Variants in ANKRD44 observed in about 807,000 individuals in gnomAD.
ANKRD44 encodes ankyrin repeat domain 44, also known as serine/threonine-protein phosphatase 6 regulatory ankyrin repeat subunit B.
Under a neutral mutation model 116.0 loss-of-function variants are expected in ANKRD44, and 35 were observed. The observed-to-expected ratio is 0.30, with a 90% CI of 0.23 to 0.40. ANKRD44 has a LOEUF of 0.40. Ranked by LOEUF, ANKRD44 falls within the 10% of genes least tolerant of loss-of-function variation. The pLI is 1.00. For synonymous variants in ANKRD44, 435 were observed against 461.8 expected (o/e 0.94, Z 0.74); for missense variants, 1,014 against 1,242.6 (o/e 0.82, Z 2.77).
At chr2:197,018,012 C>T (rs2076423702) in intron 17 of ANKRD44, among the ~76,000 whole-genome samples, 1 of 152,224 alleles carries the variant, frequency 6.6e-6, no homozygotes, top group Admixed American at 6.5e-5. Context: ...CTAATTCTCA[C>T]AAAGTGCTGT....
chr2:197,020,949 TC>T (rs953887278), intron 17 of ANKRD44, among the ~76,000 whole-genome samples: 1 of 151,436 alleles, frequency 6.6e-6, no homozygotes, highest in African/African-American at 2.4e-5. Context: ...CCCTCCTCCC[TC>T]CCCCCATCCC....
chr2:197,068,398 T>TAA (rs1447836305), intron 16 of ANKRD44, among the ~76,000 whole-genome samples: 241 of 61,344 alleles, frequency 3.9e-3, no homozygotes, highest in Non-Finnish European at 6.0e-3. Context: ...AAAAAAAAAA[T>TAA]AAAAATAAAA....
chr2:197,256,153 T>C (rs1318335770), intron 1 of ANKRD44, among the ~76,000 whole-genome samples: 2 of 152,178 alleles, frequency 1.3e-5, no homozygotes, highest in African/African-American at 4.8e-5. Flanking sequence ...CATTTAATGC[T>C]CTAGATGGCA....
chr2:196,993,728 G>A (rs2075962144), intron 26 of ANKRD44, 54 bp from the exon 27 acceptor site: 2 of 1,456,322 alleles, frequency 1.4e-6, no homozygotes, highest in Non-Finnish European at 1.9e-6. Flanking sequence ...GTGAGAATGT[G>A]GAATTTTTGT....
intron 1 of ANKRD44, among the ~76,000 whole-genome samples, chr2:197,292,045 G>T (rs1406618035): frequency 2.0e-5 from 3 of 152,154 alleles, no homozygotes; most frequent in African/African-American, 7.2e-5. Flanking sequence ...CTGTGTATAT[G>T]TGCCACATTT....
intron 16 of ANKRD44, among the ~76,000 whole-genome samples, chr2:197,074,220 A>C (rs1408547114): frequency 6.6e-6 from 1 of 152,216 alleles, no homozygotes; most frequent in Non-Finnish European, 1.5e-5. Context: ...AGCATTGTTG[A>C]GGTTTCCAGA....
At chr2:197,004,134 G>T (rs974514221) in intron 21 of ANKRD44, among the ~76,000 whole-genome samples, 56 of 152,124 alleles carry the variant, frequency 3.7e-4, no homozygotes, top group African/African-American at 1.3e-3. Context: ...AGGGGTAGGA[G>T]ACCTTTTGAA....
intron 1 of ANKRD44, among the ~76,000 whole-genome samples, chr2:197,286,096 G>A (rs1459014696): frequency 6.6e-6 from 1 of 152,206 alleles, no homozygotes; most frequent in Admixed American, 6.5e-5. Context: ...TGGTGGGCCA[G>A]TGTAGTCATT....
intron 1 of ANKRD44, among the ~76,000 whole-genome samples, chr2:197,240,330 GCA>G (rs1559176877): frequency 7.1e-6 from 1 of 140,092 alleles, no homozygotes; most frequent in African/African-American, 2.8e-5. Flanking sequence ...AGCCAAGATC[GCA>G]CCACTGCACT....
rs2079522123 is a variant in ANKRD44 at position 197,147,004 on chromosome 2, TTTTGA to T, written c.190+18_190+22del. 6.2e-7 allele frequency: 1 copy of T among 1,607,558 alleles called. No homozygotes were observed. On this transcript the variant is annotated intron_variant, in intron 3 of 27. Transcript: ENST00000282272. ...ATTTAAATTTTTATTTGCAATTGAC[TTTTGA>T]GTATAGCAGTTATTTACCTGACAAA...
At chr2:197,045,053 T>C (rs2076977482) in intron 16 of ANKRD44, among the ~76,000 whole-genome samples, 1 of 151,998 alleles carries the variant, frequency 6.6e-6, no homozygotes, top group Non-Finnish European at 1.5e-5. Flanking sequence ...GTGGTTTCTA[T>C]AATTGCACAG....
intron 1 of ANKRD44, among the ~76,000 whole-genome samples, chr2:197,263,977 C>T (rs866035958): frequency 3.9e-5 from 6 of 152,080 alleles, no homozygotes; most frequent in Non-Finnish European, 4.4e-5. Context: ...GCCAGAAGCC[C>T]GGTACAGTGG....
chr2:197,039,697 G>A (rs1202845379), intron 16 of ANKRD44, among the ~76,000 whole-genome samples: 1 of 147,340 alleles, frequency 6.8e-6, no homozygotes, highest in African/African-American at 2.6e-5. Context: ...GTGTGTGTGT[G>A]TGTGTGTGTG....
intron 13 of ANKRD44, 88 bp from the exon 14 acceptor site, chr2:197,083,597 G>C: frequency 6.9e-7 from 1 of 1,444,202 alleles, no homozygotes; most frequent in Non-Finnish European, 9.4e-7. Flanking sequence ...TATGCCTAGG[G>C]CATGGAAAGC....
intron 21 of ANKRD44, among the ~76,000 whole-genome samples, chr2:196,969,451 GAA>G (rs895457419): frequency 1.9e-4 from 28 of 149,012 alleles, no homozygotes; most frequent in Non-Finnish European, 3.0e-4. Context: ...TTCCACTCCA[GAA>G]AAAAAAAATC....
chr2:197,276,275 CAAAAA>C (rs11351342), intron 1 of ANKRD44, among the ~76,000 whole-genome samples: 1 of 108,062 alleles, frequency 9.3e-6, no homozygotes, highest in East Asian at 2.6e-4. Context: ...AACTTGGTCT[CAAAAA>C]AAAAAAAAAA....
intron 1 of ANKRD44, among the ~76,000 whole-genome samples, chr2:197,308,261 C>T (rs1411238226): frequency 6.6e-6 from 1 of 152,008 alleles, no homozygotes; most frequent in African/African-American, 2.4e-5. Flanking sequence ...AACTCTAAGG[C>T]AGGGATTCCA....
chr2:197,104,396 T>C (rs2125245581), intron 9 of ANKRD44, among the ~76,000 whole-genome samples: 1 of 152,292 alleles, frequency 6.6e-6, no homozygotes, highest in South Asian at 2.1e-4. Context: ...GCTGGAATTA[T>C]AGGGGTGACC....
At chr2:197,064,692 A>C (rs569844744) in intron 16 of ANKRD44, among the ~76,000 whole-genome samples, 1 of 152,310 alleles carries the variant, frequency 6.6e-6, no homozygotes, top group South Asian at 2.1e-4. Flanking sequence ...AACAAAGATC[A>C]AAAGAGACAA....
Sources: allele counts gnomAD v4.1 joint callset (sites outside exome capture counted in the v4.1 genomes callset), GRCh38; gene constraint gnomAD v4.1.1; transcripts MANE v1.5; gene names NCBI Gene and HGNC (gene_info 2026-07-23, HGNC 2026-07-21).